OR2L13: variants seen among roughly 807,000 people sequenced by gnomAD.
OR2L13 encodes the protein olfactory receptor 2L13.
A neutral mutation model predicts 15.3 loss-of-function variants in OR2L13; 14 were observed. The observed-to-expected ratio is 0.91, with a 90% CI of 0.60 to 1.43. OR2L13 has a LOEUF of 1.43. OR2L13 is among the 40% of genes most tolerant of loss of function. The pLI is 0.00. For missense variants in OR2L13, 367 were observed against 387.9 expected (o/e 0.95, Z 0.45); for synonymous variants, 152 against 142.9 (o/e 1.06, Z -0.45).
At chr1:248,025,101 A>G in the OR2L13 span, among the ~76,000 whole-genome samples, 1 of 151,086 alleles carries the variant, frequency 6.6e-6, no homozygotes, top group African/African-American at 2.5e-5. Context: ...GACAAATGGG[A>G]TCCAATTAAA....
the OR2L13 span, among the ~76,000 whole-genome samples, chr1:248,055,509 A>T: frequency 6.6e-6 from 1 of 152,088 alleles, no homozygotes; most frequent in Non-Finnish European, 1.5e-5. Context: ...TAATCCCAGC[A>T]CTCTGGAAGG....
the OR2L13 span, chr1:247,965,710 G>A: frequency 2.4e-5 from 38 of 1,555,538 alleles, no homozygotes; most frequent in Non-Finnish European, 3.2e-5. Context: ...TGGAACTGAA[G>A]CCCTTCTCCT....
the OR2L13 span, among the ~76,000 whole-genome samples, chr1:248,070,116 C>T: frequency 6.6e-6 from 1 of 152,276 alleles, no homozygotes; most frequent in South Asian, 2.1e-4. Context: ...AGCTCTGGAC[C>T]AAGCAGACCT....
chr1:248,038,246 G>A, the OR2L13 span: 2 of 1,521,700 alleles, frequency 1.3e-6, no homozygotes, highest in Non-Finnish European at 1.8e-6. Flanking sequence ...TCTCCCTTCA[G>A]GATGGATTGT....
At chr1:248,092,267 T>G (rs549435027), upstream of OR2L13, among the ~76,000 whole-genome samples, 2 of 152,332 alleles carry the variant, frequency 1.3e-5, no homozygotes, top group East Asian at 3.9e-4. Flanking sequence ...ATGCTTTTCA[T>G]TTTTCACTCT....
chr1:247,963,579 A>C, the OR2L13 span, among the ~76,000 whole-genome samples: 1 of 152,226 alleles, frequency 6.6e-6, no homozygotes, highest in East Asian at 1.9e-4. Flanking sequence ...TCCAGATTTC[A>C]GATTTTTAGT....
At chr1:248,050,921 C>T in the OR2L13 span, among the ~76,000 whole-genome samples, 1 of 151,926 alleles carries the variant, frequency 6.6e-6, no homozygotes, top group Non-Finnish European at 1.5e-5. Flanking sequence ...GGCTTAGAAA[C>T]CTGCCAAGAT....
At chr1:248,026,268 G>A in the OR2L13 span, among the ~76,000 whole-genome samples, 2 of 152,166 alleles carry the variant, frequency 1.3e-5, no homozygotes, top group South Asian at 2.1e-4. Context: ...TGAACAACGC[G>A]GACTTGAACT....
the OR2L13 span, chr1:248,038,534 G>C: frequency 6.2e-7 from 1 of 1,614,186 alleles, no homozygotes; most frequent in Non-Finnish European, 8.5e-7. Flanking sequence ...ATGGAAACAA[G>C]TCTATCTCCT....
chr1:248,073,478 G>A, the OR2L13 span, among the ~76,000 whole-genome samples: 3 of 151,914 alleles, frequency 2.0e-5, no homozygotes, highest in African/African-American at 4.8e-5. Flanking sequence ...GACTGTTGTG[G>A]GGTGGGGGGA....
At chr1:248,042,020 A>G in the OR2L13 span, 4 of 152,186 alleles carry the variant, frequency 2.6e-5, no homozygotes, top group African/African-American at 9.7e-5. Context: ...TAACCAAAGG[A>G]CTATAAATCA....
upstream of OR2L13, among the ~76,000 whole-genome samples, chr1:248,095,607 C>CTTATTTTTTTTTTTTTTTTTTTTTTTTT (rs1664715417): frequency 2.7e-5 from 1 of 37,294 alleles, no homozygotes; most frequent in Non-Finnish European, 5.4e-5. Flanking sequence ...AAAGCTGCTG[C>CTTATTTTTTTTTTTTTTTTTTTTTTTTT]TTTTTTTTTT....
chr1:248,016,931 A>G, the OR2L13 span, among the ~76,000 whole-genome samples: 1 of 152,144 alleles, frequency 6.6e-6, no homozygotes, highest in Non-Finnish European at 1.5e-5. Flanking sequence ...TATTAGGATT[A>G]AATCTAATGG....
chr1:248,034,323 G>A, the OR2L13 span, among the ~76,000 whole-genome samples: 1 of 152,064 alleles, frequency 6.6e-6, no homozygotes, highest in Non-Finnish European at 1.5e-5. Context: ...GAACCAAAAA[G>A]AGTCTGCATA....
the OR2L13 span, among the ~76,000 whole-genome samples, chr1:247,969,669 G>A: frequency 8.5e-5 from 13 of 152,180 alleles, no homozygotes; most frequent in Non-Finnish European, 1.5e-4. Flanking sequence ...CTCCAGATTT[G>A]AAAATAATCT....
chr1:248,006,584 G>A, the OR2L13 span, among the ~76,000 whole-genome samples: 1 of 152,026 alleles, frequency 6.6e-6, no homozygotes, highest in Non-Finnish European at 1.5e-5. Context: ...GGATAGTGGT[G>A]GGAATGCGTG....
the OR2L13 span, among the ~76,000 whole-genome samples, chr1:247,999,886 T>C: frequency 0.056 from 8,553 of 152,170 alleles, 738 homozygotes; most frequent in African/African-American, 0.19. Flanking sequence ...ATTTTCCAGC[T>C]CTATGTGTTA....
At chr1:247,972,295 C>T in the OR2L13 span, among the ~76,000 whole-genome samples, 1 of 152,006 alleles carries the variant, frequency 6.6e-6, no homozygotes, top group African/African-American at 2.4e-5. Context: ...GAGATGGAGA[C>T]ATGAAAAACC....
chr1:248,022,028 C>T, the OR2L13 span: 1 of 1,613,948 alleles, frequency 6.2e-7, no homozygotes, highest in Middle Eastern at 1.7e-4. Flanking sequence ...TTTTCCTCTT[C>T]ATTCTCTTTG....
Sources: gnomAD v4.1 joint callset for allele counts (sites outside exome capture counted in the v4.1 genomes callset) on GRCh38, gnomAD v4.1.1 for gene constraint, MANE v1.5 for transcripts, NCBI Gene and HGNC (gene_info 2026-07-23, HGNC 2026-07-21) for gene names.